The following CECR2 variants were observed in gnomAD, a reference collection of about 807,000 sequenced individuals.
CECR2 encodes chromatin remodeling regulator CECR2.
Under a neutral mutation model 154.5 loss-of-function variants are expected in CECR2, and 30 were observed. The observed-to-expected ratio is 0.19, with a 90% CI of 0.15 to 0.26. CECR2 has a LOEUF of 0.26. Among genes scored for constraint, CECR2 ranks in the 10% least tolerant of loss-of-function variants. The pLI is 1.00. For synonymous variants in CECR2, 725 were observed against 683.7 expected, an observed-to-expected ratio of 1.06 and a Z score of -0.94; for missense variants, 1,743 against 1,829.3, an observed-to-expected ratio of 0.95 and a Z score of 0.86.
At chr22:17,505,729 G>A (rs956537490) in intron 7 of CECR2, among the ~76,000 whole-genome samples, 1 of 150,174 alleles carries the variant, frequency 6.7e-6, no homozygotes, top group African/African-American at 2.5e-5. Context: ...GTAGAGACAG[G>A]GTTTCACCAT....
intron 1 of CECR2, among the ~76,000 whole-genome samples, chr22:17,384,734 A>G (rs2063239060): frequency 6.6e-6 from 1 of 152,214 alleles, no homozygotes; most frequent in African/African-American, 2.4e-5. Flanking sequence ...GTGAGTGAGC[A>G]CTGGCTTCCA....
At chr22:17,500,848 C>T in intron 5 of CECR2, 113 bp downstream of exon 5, 1 of 724,806 alleles carries the variant, frequency 1.4e-6, no homozygotes, top group Non-Finnish European at 2.2e-6. Flanking sequence ...TTATAGCAAC[C>T]TGAAACTGAG....
At chr22:17,541,786 TAA>T in intron 14 of CECR2, 51 bp from the exon 15 acceptor site, 1 of 1,558,602 alleles carries the variant, frequency 6.4e-7, no homozygotes, top group Non-Finnish European at 8.7e-7. Flanking sequence ...GTTGTCAACC[TAA>T]AGTCTGTGCC....
At chr22:17,430,523 C>T (rs892637660) in intron 1 of CECR2, among the ~76,000 whole-genome samples, 5 of 152,218 alleles carry the variant, frequency 3.3e-5, no homozygotes, top group Non-Finnish European at 4.4e-5. Flanking sequence ...CCACACACCC[C>T]AGTGCTCCTG....
intron 9 of CECR2, among the ~76,000 whole-genome samples, chr22:17,533,824 C>T (rs1351941652): frequency 6.6e-6 from 1 of 151,736 alleles, no homozygotes; most frequent in Non-Finnish European, 1.5e-5. Context: ...TCAAGCAATT[C>T]TCCTGCCTCA....
intron 10 of CECR2, among the ~76,000 whole-genome samples, chr22:17,537,612 A>T (rs1447476705): frequency 6.6e-6 from 1 of 152,234 alleles, no homozygotes; most frequent in Admixed American, 6.5e-5. Context: ...AGAGGCAGAT[A>T]CACATTCAGT....
At chr22:17,552,774 G>GTTTTTGT in intron 18 of CECR2, 61 bp from the exon 19 acceptor site, 2 of 933,470 alleles carry the variant, frequency 2.1e-6, no homozygotes, top group Non-Finnish European at 3.0e-6. Context: ...GCTTACTTAA[G>GTTTTTGT]TTTTTTTTTT....
In CECR2 at chr22:17,548,380, C is replaced by A; in HGVS notation, c.3093C>A (p.Tyr1031Ter). The change falls in exon 17 of 19, where the codon TAC becomes TAA. Residue 1031 changes from tyrosine to a stop codon, truncating the protein, a stop_gained. Coordinates refer to ENST00000262608, the MANE Select transcript of CECR2 (RefSeq NM_001290047.2). LOFTEE classifies it high-confidence loss of function. The part of the protein sequence containing the change: ...GKNPWPSDSS[Y>*]PGPAAQGCVR... ...ATCCCTGGCCCTCGGATAGCAGCTA[C>A]CCCGGCCCAGCCGCCCAAGGGTGCG... is the stretch of plus-strand genomic sequence containing the variant. 6.2e-7 allele frequency: 1 copy of A among 1,613,468 alleles called. No individual in the cohort carries two copies.
intron 1 of CECR2, among the ~76,000 whole-genome samples, chr22:17,408,335 A>C (rs1205005770): frequency 6.6e-6 from 1 of 151,984 alleles, no homozygotes; most frequent in East Asian, 1.9e-4. Context: ...AGTGGACTTC[A>C]CATCCCAACG....
chr22:17,529,147 G>A (rs1164653416), intron 9 of CECR2, among the ~76,000 whole-genome samples: 1 of 152,178 alleles, frequency 6.6e-6, no homozygotes, highest in East Asian at 1.9e-4. Flanking sequence ...TAAAGTGAAT[G>A]AGGTTGACCC....
At chr22:17,467,350 G>C (rs143858703) in intron 1 of CECR2, among the ~76,000 whole-genome samples, 5 of 152,102 alleles carry the variant, frequency 3.3e-5, no homozygotes, top group Non-Finnish European at 5.9e-5. Flanking sequence ...TTTGAGGAAC[G>C]TATCTGTAGA....
At chr22:17,431,474 T>C (rs1194931919) in intron 1 of CECR2, among the ~76,000 whole-genome samples, 2 of 152,226 alleles carry the variant, frequency 1.3e-5, no homozygotes, top group Non-Finnish European at 1.5e-5. Flanking sequence ...TCAAAACATA[T>C]ATTTTGTTTG....
chr22:17,532,938 C>T (rs1283790342), intron 9 of CECR2, among the ~76,000 whole-genome samples: 1 of 151,462 alleles, frequency 6.6e-6, no homozygotes, highest in Non-Finnish European at 1.5e-5. Context: ...TCAGGCTGTT[C>T]TTGAACTCCT....
chr22:17,548,294 C>G lies in CECR2; in HGVS notation c.3007C>G (p.Pro1003Ala), dbSNP rs754100190. The G allele has an allele frequency of 1.2e-6, 2 of 1,609,148 alleles. No homozygotes were observed. Among genetic ancestry groups the G allele is most frequent in the South Asian group, 1.1e-5 (1 of 90,148 alleles). ...ACCACAAGAAAGGGAAACAGTGGGCCCGGAGCTCAAAAGCAGCTCCTCCGA... is the reference window on the plus strand; with the variant it reads ...ACCACAAGAAAGGGAAACAGTGGGCGCGGAGCTCAAAAGCAGCTCCTCCGA... ...SSPQERETVG[P>A]ELKSSSSESA... is the part of the protein sequence containing the mutation. The change falls in exon 17 of 19, where the codon CCG becomes GCG. Residue 1003 changes from proline to alanine, a missense_variant. Transcript: ENST00000262608.
chr22:17,529,310 C>A (rs1415962799), intron 9 of CECR2, among the ~76,000 whole-genome samples: 1 of 151,894 alleles, frequency 6.6e-6, no homozygotes, highest in Non-Finnish European at 1.5e-5. Context: ...TGGAGCGGAG[C>A]AGAGCAGAGC....
intron 1 of CECR2, among the ~76,000 whole-genome samples, chr22:17,426,019 A>T (rs1449678641): frequency 1.3e-5 from 2 of 152,162 alleles, no homozygotes; most frequent in Admixed American, 6.5e-5. Context: ...GAGATTAGGA[A>T]ATAAACCCTC....
At chr22:17,417,585 C>T (rs978292299) in intron 1 of CECR2, among the ~76,000 whole-genome samples, 2 of 152,082 alleles carry the variant, frequency 1.3e-5, no homozygotes, top group East Asian at 3.8e-4. Flanking sequence ...GGACTATAGG[C>T]AGCATTCCAC....
At chr22:17,431,223 A>T (rs1227773501) in intron 1 of CECR2, among the ~76,000 whole-genome samples, 1 of 152,212 alleles carries the variant, frequency 6.6e-6, no homozygotes, top group Non-Finnish European at 1.5e-5. Flanking sequence ...TACAACTCTG[A>T]TGTATGTAGG....
At chr22:17,483,814 C>T (rs1295184498) in intron 2 of CECR2, among the ~76,000 whole-genome samples, 1 of 152,172 alleles carries the variant, frequency 6.6e-6, no homozygotes, top group African/African-American at 2.4e-5. Flanking sequence ...CAAGCCTTCA[C>T]ATTCATTTAC....
Sources: allele counts gnomAD v4.1 joint callset (sites outside exome capture counted in the v4.1 genomes callset), GRCh38; gene constraint gnomAD v4.1.1; transcripts MANE v1.5; gene names NCBI Gene and HGNC (gene_info 2026-07-23, HGNC 2026-07-21).